NRXN3: variants seen among roughly 807,000 people sequenced by gnomAD.
NRXN3 encodes neurexin 3.
A neutral mutation model predicts 137.6 loss-of-function variants in NRXN3; 32 were observed. The observed-to-expected ratio is 0.23, with a 90% CI of 0.18 to 0.31. NRXN3 has a LOEUF of 0.31. Ranked by LOEUF, NRXN3 falls within the 10% of genes least tolerant of loss-of-function variation. The pLI, the probability that NRXN3 is intolerant of heterozygous loss-of-function variation, is 1.00. For missense variants in NRXN3, 1,574 were observed against 2,062.5 expected, an observed-to-expected ratio of 0.76 and a Z score of 4.59; for synonymous variants, 798 against 784.5, an observed-to-expected ratio of 1.02 and a Z score of -0.29.
intron 16 of NRXN3, among the ~76,000 whole-genome samples, chr14:79,564,945 CA>C: frequency 6.6e-6 from 1 of 151,996 alleles, no homozygotes; most frequent in African/African-American, 2.4e-5. Context: ...ATGGAGAAAA[CA>C]GGGAGGGAGA....
chr14:78,449,255 T>G (rs928727132), intron 4 of NRXN3, among the ~76,000 whole-genome samples: 1 of 152,188 alleles, frequency 6.6e-6, no homozygotes, highest in African/African-American at 2.4e-5. Flanking sequence ...CTCTGTCACC[T>G]AGGTAGGAAT....
intron 15 of NRXN3, among the ~76,000 whole-genome samples, chr14:79,383,734 C>T (rs1255695624): frequency 6.6e-6 from 1 of 152,178 alleles, no homozygotes; most frequent in Non-Finnish European, 1.5e-5. Flanking sequence ...CATGCTTTAT[C>T]ATCTCAGAAG....
chr14:79,460,120 T>A (rs991753515), intron 15 of NRXN3, among the ~76,000 whole-genome samples: 1 of 152,158 alleles, frequency 6.6e-6, no homozygotes, highest in African/African-American at 2.4e-5. Flanking sequence ...CCAGAAACTA[T>A]GTGCGTGTGT....
At chr14:79,153,083 G>A (rs1294999551) in intron 15 of NRXN3, among the ~76,000 whole-genome samples, 1 of 151,936 alleles carries the variant, frequency 6.6e-6, no homozygotes, top group Non-Finnish European at 1.5e-5. Flanking sequence ...CCTGATTTGG[G>A]AAGGATGGGC....
chr14:79,539,143 T>C (rs1303047189), intron 16 of NRXN3, among the ~76,000 whole-genome samples: 1 of 152,108 alleles, frequency 6.6e-6, no homozygotes. Flanking sequence ...CACTGCAACC[T>C]CCACCTCCCA....
chr14:79,237,979 G>T (rs967288679), intron 15 of NRXN3, among the ~76,000 whole-genome samples: 3 of 152,086 alleles, frequency 2.0e-5, no homozygotes, highest in Admixed American at 1.3e-4. Context: ...GTGCTAAAAT[G>T]ATATGGTTTT....
intron 19 of NRXN3, among the ~76,000 whole-genome samples, chr14:79,774,973 T>A (rs2099092077): frequency 6.6e-6 from 1 of 152,030 alleles, no homozygotes; most frequent in Admixed American, 6.6e-5. Context: ...TGTGTGTACG[T>A]ATAACAAGTT....
At chr14:79,404,618 G>A (rs896572482) in intron 15 of NRXN3, among the ~76,000 whole-genome samples, 2 of 152,120 alleles carry the variant, frequency 1.3e-5, no homozygotes, top group South Asian at 2.1e-4. Context: ...CATACACTGC[G>A]ATTAAATATC....
intron 4 of NRXN3, among the ~76,000 whole-genome samples, chr14:78,360,220 T>C (rs1248168687): frequency 1.7e-4 from 26 of 152,174 alleles, no homozygotes; most frequent in Admixed American, 1.7e-3. Flanking sequence ...AAATGACTTT[T>C]CCACCTTCTT....
intron 15 of NRXN3, among the ~76,000 whole-genome samples, chr14:79,041,065 C>G (rs1391526041): frequency 6.6e-6 from 1 of 152,158 alleles, no homozygotes; most frequent in Non-Finnish European, 1.5e-5. Context: ...CCTTTCTCCT[C>G]TCTCATAATG....
intron 15 of NRXN3, among the ~76,000 whole-genome samples, chr14:79,109,824 G>A (rs1289447403): frequency 6.6e-6 from 1 of 152,074 alleles, no homozygotes; most frequent in African/African-American, 2.4e-5. Context: ...TTGAAAATAA[G>A]CATTGGCCTA....
intron 15 of NRXN3, among the ~76,000 whole-genome samples, chr14:79,114,458 C>T (rs1435159356): frequency 6.6e-6 from 1 of 151,888 alleles, no homozygotes; most frequent in Admixed American, 6.6e-5. Context: ...GGAATCGAGA[C>T]CTGTTGATAT....
chr14:78,918,352 G>A (rs2099262310), intron 10 of NRXN3, among the ~76,000 whole-genome samples: 1 of 150,120 alleles, frequency 6.7e-6, no homozygotes, highest in Non-Finnish European at 1.5e-5. Context: ...AAAAAAGCTA[G>A]GAAAAGCTAA....
At chr14:79,264,084 T>G (rs1431530300) in intron 15 of NRXN3, among the ~76,000 whole-genome samples, 1 of 152,200 alleles carries the variant, frequency 6.6e-6, no homozygotes, top group East Asian at 1.9e-4. Flanking sequence ...GTATTTATTT[T>G]ATTTTTTATT....
intron 15 of NRXN3, among the ~76,000 whole-genome samples, chr14:79,281,327 C>T (rs1323685346): frequency 6.6e-6 from 1 of 152,078 alleles, no homozygotes; most frequent in South Asian, 2.1e-4. Context: ...AATACAGGTA[C>T]GATGGGTTTT....
At chr14:78,665,585 T>G (rs1381110742) in intron 6 of NRXN3, among the ~76,000 whole-genome samples, 1 of 152,058 alleles carries the variant, frequency 6.6e-6, no homozygotes, top group Non-Finnish European at 1.5e-5. Flanking sequence ...AGATAGTGAG[T>G]TGGTCTCCAG....
chr14:79,565,492 GA>G lies in NRXN3; in HGVS notation c.3444+98091del, dbSNP rs552715581. ...TTGAGAAGCCTTGCCACGGGTAGAG[GA>G]GCTATTCAGTGCCTATTGAGTCAAA... is the stretch of plus-strand genomic sequence containing the variant. On this transcript the variant is annotated intron_variant, in intron 16 of 20. Transcript: ENST00000335750. 2.3e-3 allele frequency among the ~76,000 whole-genome samples: 348 copies of G among 151,910 alleles called. 1 individual carries two copies. Among genetic ancestry groups the G allele is most frequent in the African/African-American group, 8.2e-3 (339 of 41,470 alleles).
Position 78,721,543 on chromosome 14 carries a change from C to T in NRXN3, c.2044+6404C>T, listed in dbSNP as rs146026784. ...ATGTGAGTCCTTGTTCCTTACAATC[C>T]GCAGAACTGTCTGGATTAGGACTCG... On this transcript the variant is annotated intron_variant, in intron 8 of 20. Coordinates refer to ENST00000335750, the MANE Select transcript of NRXN3 (RefSeq NM_001330195.2). 2.5e-3 allele frequency among the ~76,000 whole-genome samples: 374 copies of T among 152,120 alleles called. 1 individual carries two copies. The highest frequency in any genetic ancestry group is 8.7e-3 in the African/African-American group (362 of 41,504).
chr14:78,459,815 C>A (rs1317742067), intron 4 of NRXN3, among the ~76,000 whole-genome samples: 1 of 152,206 alleles, frequency 6.6e-6, no homozygotes, highest in East Asian at 1.9e-4. Flanking sequence ...TCCCACCAAG[C>A]AATTCTCCAA....
Sources: gnomAD v4.1 joint callset for allele counts (sites outside exome capture counted in the v4.1 genomes callset) on GRCh38, gnomAD v4.1.1 for gene constraint, MANE v1.5 for transcripts, NCBI Gene and HGNC (gene_info 2026-07-23, HGNC 2026-07-21) for gene names.